DLG2: variants seen among roughly 807,000 people sequenced by gnomAD.
DLG2 encodes disks large homolog 2.
In DLG2, 45 loss-of-function variants were observed where a neutral mutation model predicts 132.5. The ratio of observed to expected loss-of-function variants is 0.34; its 90% CI spans 0.27 to 0.44. The LOEUF is 0.44. DLG2 is among the 20% of genes least tolerant of loss of function. The probability of loss-of-function intolerance (pLI) is 1.00; values close to 1 mark genes in which losing one functional copy is unlikely to be tolerated. For synonymous variants in DLG2, 424 were observed against 419.6 expected (o/e 1.01, Z -0.13); for missense variants, 1,045 against 1,196.9 (o/e 0.87, Z 1.87).
chr11:83,995,867 A>G (rs2093995219), intron 11 of DLG2, among the ~76,000 whole-genome samples: 1 of 152,206 alleles, frequency 6.6e-6, no homozygotes, highest in South Asian at 2.1e-4. Context: ...AAACCATGAA[A>G]CTACTCTAAG....
chr11:84,677,966 C>G (rs912062640), intron 6 of DLG2, among the ~76,000 whole-genome samples: 5 of 152,016 alleles, frequency 3.3e-5, no homozygotes, highest in Non-Finnish European at 4.4e-5. Context: ...AATATTCATA[C>G]AAAGCAAAAT....
intron 6 of DLG2, among the ~76,000 whole-genome samples, chr11:84,874,307 C>T (rs529891739): frequency 6.6e-6 from 1 of 152,206 alleles, no homozygotes; most frequent in South Asian, 2.1e-4. Context: ...AGTAGAAAAT[C>T]CTTGGGAGAA....
intron 6 of DLG2, among the ~76,000 whole-genome samples, chr11:84,639,251 A>G (rs1485420287): frequency 1.3e-5 from 2 of 151,836 alleles, no homozygotes; most frequent in African/African-American, 4.8e-5. Context: ...AAATTGTTCA[A>G]CTAGCCATAC....
intron 7 of DLG2, among the ~76,000 whole-genome samples, chr11:84,532,699 G>T (rs1032521257): frequency 6.6e-6 from 1 of 152,104 alleles, no homozygotes; most frequent in Non-Finnish European, 1.5e-5. Context: ...GTCTTGCCTT[G>T]TTACCCAGGC....
chr11:83,842,169 A>G (rs2057689910), intron 16 of DLG2, among the ~76,000 whole-genome samples: 1 of 152,220 alleles, frequency 6.6e-6, no homozygotes, highest in Non-Finnish European at 1.5e-5. Flanking sequence ...GTGACAGATC[A>G]TCAGCAGCAT....
At chr11:84,061,504 T>C (rs1228963666) in intron 10 of DLG2, among the ~76,000 whole-genome samples, 3 of 152,294 alleles carry the variant, frequency 2.0e-5, no homozygotes, top group Non-Finnish European at 2.9e-5. Flanking sequence ...TGAGCAGAGA[T>C]TGGATTTGAT....
intron 6 of DLG2, among the ~76,000 whole-genome samples, chr11:85,092,538 C>CAT (rs1222175271): frequency 1.3e-5 from 2 of 151,834 alleles, no homozygotes; most frequent in African/African-American, 4.8e-5. Flanking sequence ...GGCAATAATA[C>CAT]ATATATATTT....
At chr11:85,243,226 G>A (rs1222056159) in intron 4 of DLG2, among the ~76,000 whole-genome samples, 1 of 151,804 alleles carries the variant, frequency 6.6e-6, no homozygotes, top group Non-Finnish European at 1.5e-5. Context: ...TTTGAGAGAG[G>A]AGACTAGAAG....
chr11:84,820,712 C>T (rs2077572977), intron 6 of DLG2, among the ~76,000 whole-genome samples: 1 of 149,836 alleles, frequency 6.7e-6, no homozygotes, highest in South Asian at 2.1e-4. Context: ...ATTTATCCTT[C>T]AGATAAAGTG....
At chr11:83,819,578 T>A (rs975380866) in intron 17 of DLG2, among the ~76,000 whole-genome samples, 1 of 148,540 alleles carries the variant, frequency 6.7e-6, no homozygotes, top group African/African-American at 2.5e-5. Flanking sequence ...AGTAGAATAA[T>A]AAAAGTACAT....
rs138055256 is a variant in DLG2 at position 83,616,853 on chromosome 11, T to A, written c.1940+16358A>T. On this transcript the variant is annotated intron_variant, in intron 19 of 27. Transcript: ENST00000376104. Reference sequence around the variant, plus strand: ...GTGAGGTTGGGTCAAGAGCCATTTTTAAAAAAGTTGGATATCCAATTGATG... The same window carrying A: ...GTGAGGTTGGGTCAAGAGCCATTTTAAAAAAAGTTGGATATCCAATTGATG... Among the ~76,000 whole-genome samples the A allele has an allele frequency of 4.3e-3, 651 of 152,318 alleles. 1 individual carries two copies. Among genetic ancestry groups the A allele is most frequent in the Middle Eastern group, 0.031 (9 of 294 alleles).
Position 84,891,641 on chromosome 11 carries a change from G to A in DLG2, c.357+220020C>T, listed in dbSNP as rs530528431. Among the ~76,000 whole-genome samples the A allele has an allele frequency of 3.3e-5, 5 of 152,288 alleles. No individual in the cohort carries two copies. The South Asian group carries it at 1.0e-3, about 32-fold the overall frequency. ...AGTATTGGCATATTTACAGCCATATGTTTTAAAAGGCAGAGGAAATCATCT... is the reference window on the plus strand; with the variant it reads ...AGTATTGGCATATTTACAGCCATATATTTTAAAAGGCAGAGGAAATCATCT... On this transcript the variant is annotated intron_variant, in intron 6 of 27. Coordinates refer to ENST00000376104, the MANE Select transcript of DLG2 (RefSeq NM_001142699.3).
intron 4 of DLG2, among the ~76,000 whole-genome samples, chr11:85,225,449 T>C (rs934723431): frequency 6.6e-6 from 1 of 152,096 alleles, no homozygotes; most frequent in Non-Finnish European, 1.5e-5. Context: ...AGGTCACACA[T>C]ACATTAAAAT....
At chr11:84,766,864 A>G (rs999251894) in intron 6 of DLG2, among the ~76,000 whole-genome samples, 1 of 152,116 alleles carries the variant, frequency 6.6e-6, no homozygotes. Context: ...ATAATCATAA[A>G]CAAAGTAGAA....
chr11:85,621,044 G>GT (rs2067335753), intron 2 of DLG2, among the ~76,000 whole-genome samples: 1 of 152,166 alleles, frequency 6.6e-6, no homozygotes, highest in South Asian at 2.1e-4. Context: ...GTGACTTTAC[G>GT]TTGAAGCCAA....
At chr11:85,247,605 C>A (rs1419939241) in intron 4 of DLG2, among the ~76,000 whole-genome samples, 1 of 151,890 alleles carries the variant, frequency 6.6e-6, no homozygotes, top group Non-Finnish European at 1.5e-5. Context: ...AGTCTACAGG[C>A]AACAGAGGAG....
At chr11:83,527,040 AAATG>A (rs1212078124) in intron 21 of DLG2, among the ~76,000 whole-genome samples, 4 of 152,222 alleles carry the variant, frequency 2.6e-5, no homozygotes, top group Non-Finnish European at 5.9e-5. Context: ...TTTATTAAAT[AAATG>A]AATGAAGTCA....
At chr11:85,377,836 T>C (rs1478565582) in intron 3 of DLG2, among the ~76,000 whole-genome samples, 2 of 149,614 alleles carry the variant, frequency 1.3e-5, no homozygotes, top group African/African-American at 4.9e-5. Context: ...TACATATATA[T>C]GTGTGTATAC....
intron 6 of DLG2, among the ~76,000 whole-genome samples, chr11:84,812,985 G>A (rs951849067): frequency 2.6e-5 from 4 of 152,002 alleles, no homozygotes; most frequent in Non-Finnish European, 5.9e-5. Flanking sequence ...TGTCTTGTTG[G>A]TCTTTTGAGA....
Sources: allele counts gnomAD v4.1 joint callset (sites outside exome capture counted in the v4.1 genomes callset), GRCh38; gene constraint gnomAD v4.1.1; transcripts MANE v1.5; gene names NCBI Gene and HGNC (gene_info 2026-07-23, HGNC 2026-07-21).